NIPSNAP1: variants seen among roughly 807,000 people sequenced by gnomAD.
The protein encoded by NIPSNAP1 is nipsnap homolog 1.
Under a neutral mutation model 49.2 loss-of-function variants are expected in NIPSNAP1, and 25 were observed. That is an observed-to-expected ratio of 0.51 (90% confidence interval 0.37 to 0.71). The LOEUF (loss-of-function observed/expected upper bound fraction) is 0.71, where lower values mean the gene tolerates loss of function less well. Among genes scored for constraint, NIPSNAP1 ranks in the 30% least tolerant of loss-of-function variants. The pLI, the probability that NIPSNAP1 is intolerant of heterozygous loss-of-function variation, is 0.00. For synonymous variants in NIPSNAP1, 143 were observed against 140.7 expected, an observed-to-expected ratio of 1.02 and a Z score of -0.12; for missense variants, 294 against 361.0, an observed-to-expected ratio of 0.81 and a Z score of 1.50.
intron 1 of NIPSNAP1, among the ~76,000 whole-genome samples, chr22:29,578,962 T>C (rs2064475714): frequency 6.6e-6 from 1 of 151,330 alleles, no homozygotes; most frequent in Non-Finnish European, 1.5e-5. Flanking sequence ...CCAGAGCCCT[T>C]TGAGCCTCAA....
intron 8 of NIPSNAP1, among the ~76,000 whole-genome samples, chr22:29,560,272 G>A (rs544757678): frequency 1.4e-5 from 2 of 147,832 alleles, no homozygotes; most frequent in South Asian, 2.1e-4. Flanking sequence ...TTTTTGAGAC[G>A]GAGTCTCGCT....
intron 1 of NIPSNAP1, among the ~76,000 whole-genome samples, chr22:29,578,296 A>G (rs2064470453): frequency 6.6e-6 from 1 of 150,930 alleles, no homozygotes; most frequent in South Asian, 2.1e-4. Context: ...TCAGCCTCCT[A>G]AAGTGCTGGG....
Position 29,581,085 on chromosome 22 carries a change from T to C in NIPSNAP1, c.-3A>G. On this transcript the variant is annotated 5_prime_UTR_variant, in exon 1 of 10. Transcript: ENST00000216121. ...ATGCTGCACAGCCGCGGAGCCATGTTGGAGCCGCAAAGGTTGCAGGAAGGC... is the reference window on the plus strand; with the variant it reads ...ATGCTGCACAGCCGCGGAGCCATGTCGGAGCCGCAAAGGTTGCAGGAAGGC... The C allele has an allele frequency of 6.5e-7, 1 of 1,541,524 alleles. No homozygotes were observed. The highest frequency in any genetic ancestry group is 8.7e-7 in the Non-Finnish European group (1 of 1,146,066).
At chr22:29,573,225 C>T (rs1181870194) in intron 1 of NIPSNAP1, among the ~76,000 whole-genome samples, 2 of 151,944 alleles carry the variant, frequency 1.3e-5, no homozygotes, top group Non-Finnish European at 2.9e-5. Flanking sequence ...TTAGTAGAGA[C>T]GGGGTTTTAC....
intron 3 of NIPSNAP1, 69 bp from the exon 4 acceptor site, chr22:29,569,356 C>A: frequency 8.2e-7 from 1 of 1,215,256 alleles, no homozygotes; most frequent in Non-Finnish European, 1.2e-6. Context: ...AGGGTTCAAA[C>A]TCAGTTCAAA....
At chr22:29,560,241 C>CTTTTT (rs35947318) in intron 8 of NIPSNAP1, among the ~76,000 whole-genome samples, 1 of 145,292 alleles carries the variant, frequency 6.9e-6, no homozygotes, top group Non-Finnish European at 1.5e-5. Flanking sequence ...CTCTCCCTGC[C>CTTTTT]TTTTTTTTTT....
intron 1 of NIPSNAP1, among the ~76,000 whole-genome samples, chr22:29,572,585 G>T (rs1344691023): frequency 2.0e-5 from 3 of 151,994 alleles, no homozygotes; most frequent in Non-Finnish European, 4.4e-5. Context: ...GAGGCAGGAG[G>T]ATTGCTTGAG....
At chr22:29,574,289 A>AAAAAAGAAAAAG (rs2064434492) in intron 1 of NIPSNAP1, among the ~76,000 whole-genome samples, 1 of 125,266 alleles carries the variant, frequency 8.0e-6, no homozygotes, top group African/African-American at 3.3e-5. Flanking sequence ...AAAAAAAAAA[A>AAAAAAGAAAAAG]AAAGAAAGAA....
intron 4 of NIPSNAP1, among the ~76,000 whole-genome samples, chr22:29,567,398 A>G (rs1290948701): frequency 6.6e-6 from 1 of 152,180 alleles, no homozygotes; most frequent in Non-Finnish European, 1.5e-5. Context: ...ATTCACCCAT[A>G]TATGGAGACA....
intron 1 of NIPSNAP1, 136 bp from the exon 2 acceptor site, chr22:29,570,668 C>T: frequency 8.5e-7 from 1 of 1,180,490 alleles, no homozygotes; most frequent in Non-Finnish European, 1.2e-6. Context: ...TGTGGCAGCT[C>T]CAGACTGTGA....
At chr22:29,579,860 T>G (rs1305390211) in intron 1 of NIPSNAP1, 1 of 349,120 alleles carries the variant, frequency 2.9e-6, no homozygotes, top group African/African-American at 2.1e-5. Flanking sequence ...GATCTGTTAG[T>G]GCCAGGCAAA....
chr22:29,565,506 C>T (rs8141305), intron 4 of NIPSNAP1, among the ~76,000 whole-genome samples: 3,353 of 152,046 alleles, frequency 0.022, 139 homozygotes, highest in African/African-American at 0.076. Context: ...GAGTGAGACT[C>T]GGTCTCGAAA....
intron 4 of NIPSNAP1, chr22:29,564,168 A>G: frequency 2.7e-6 from 1 of 368,512 alleles, no homozygotes. Context: ...AGCTAAGGGC[A>G]GCTGGCTGCC....
chr22:29,580,906 T>TCCCCCACGACCCAGTCCCTGG (rs2064492977), intron 1 of NIPSNAP1, 79 bp downstream of exon 1: 1 of 1,087,216 alleles, frequency 9.2e-7, no homozygotes, highest in South Asian at 1.8e-5. Flanking sequence ...TCTCAGCCCC[T>TCCCCCACGACCCAGTCCCTGG]CCCCCACGAC....
intron 1 of NIPSNAP1, among the ~76,000 whole-genome samples, chr22:29,572,273 C>G (rs1032763804): frequency 3.5e-5 from 5 of 143,722 alleles, no homozygotes; most frequent in Admixed American, 2.9e-4. Flanking sequence ...ATCACACTCC[C>G]GCCTGGGCAA....
At chr22:29,560,345 T>G (rs2064326692) in intron 8 of NIPSNAP1, among the ~76,000 whole-genome samples, 1 of 152,072 alleles carries the variant, frequency 6.6e-6, no homozygotes, top group Admixed American at 6.6e-5. Flanking sequence ...CCTCCCGGGT[T>G]CAACTGATTC....
intron 1 of NIPSNAP1, among the ~76,000 whole-genome samples, chr22:29,571,569 T>C (rs553308150): frequency 2.0e-5 from 3 of 151,690 alleles, no homozygotes; most frequent in Admixed American, 6.6e-5. Flanking sequence ...GGTGCTTATT[T>C]TGAGACTACC....
intron 4 of NIPSNAP1, chr22:29,564,255 C>A (rs1478269609): frequency 2.2e-6 from 1 of 458,340 alleles, no homozygotes; most frequent in Non-Finnish European, 4.5e-6. Context: ...TTGACTCCAT[C>A]TGTGCCTTGA....
Position 29,556,005 on chromosome 22 carries a change from G to GA in NIPSNAP1, c.791-7dup, listed in dbSNP as rs1491301461. 6.5e-7 allele frequency: 1 copy of GA among 1,545,720 alleles called. No individual in the cohort carries two copies. Among genetic ancestry groups the GA allele is most frequent in the South Asian group, 1.2e-5 (1 of 83,982 alleles). On this transcript the variant is annotated splice_region_variant and splice_polypyrimidine_tract_variant and intron_variant, in intron 9 of 9. Transcript: ENST00000216121. The stretch of plus-strand genomic sequence containing the variant: ...CATGTGTCGCACCAGGGGGACTGCG[G>GA]AGAGAGAAGGCAGAGGTCACACAGG...
Sources: gnomAD v4.1 joint callset for allele counts (sites outside exome capture counted in the v4.1 genomes callset) on GRCh38, gnomAD v4.1.1 for gene constraint, MANE v1.5 for transcripts, NCBI Gene and HGNC (gene_info 2026-07-23, HGNC 2026-07-21) for gene names.